The following ATP2C2 variants were observed in gnomAD, a reference collection of about 807,000 sequenced individuals.
ATP2C2 encodes calcium-transporting ATPase type 2C member 2.
In ATP2C2, 171 loss-of-function variants were observed where a neutral mutation model predicts 110.8. The ratio of observed to expected loss-of-function variants is 1.54; its 90% confidence interval spans 1.36 to 1.75. ATP2C2 has a LOEUF of 1.75. Among genes scored for constraint, ATP2C2 ranks in the 40% most tolerant of loss-of-function variants. ATP2C2 has a pLI of 0.00. For synonymous variants in ATP2C2, 804 were observed against 508.4 expected (o/e 1.58, Z -7.82); for missense variants, 1,963 against 1,235.0 (o/e 1.59, Z -8.84).
chr16:84,425,102 C>T (rs556857985), intron 10 of ATP2C2, among the ~76,000 whole-genome samples: 4 of 152,256 alleles, frequency 2.6e-5, no homozygotes, highest in African/African-American at 7.2e-5. Flanking sequence ...ACACACACCC[C>T]GCTACCATCC....
At chr16:84,445,503 C>T (rs555443426) in intron 15 of ATP2C2, among the ~76,000 whole-genome samples, 11 of 152,268 alleles carry the variant, frequency 7.2e-5, no homozygotes, top group South Asian at 2.1e-4. Flanking sequence ...CCACCATGCC[C>T]GGCCTTCCTC....
At chr16:84,390,052 T>G (rs555514082) in intron 1 of ATP2C2, among the ~76,000 whole-genome samples, 8 of 152,288 alleles carry the variant, frequency 5.3e-5, no homozygotes, top group African/African-American at 1.7e-4. Context: ...GGCAGCCCTG[T>G]GGACCCCGGC....
chr16:84,403,981 A>G (rs1428658977), intron 2 of ATP2C2, among the ~76,000 whole-genome samples: 1 of 152,186 alleles, frequency 6.6e-6, no homozygotes, highest in South Asian at 2.1e-4. Context: ...CTGAGCCACC[A>G]AGCCCTACCA....
chr16:84,454,875 G>A lies in ATP2C2; in HGVS notation c.2038G>A (p.Val680Met). 1.2e-6 allele frequency: 2 copies of A among 1,613,858 alleles called. No individual in the cohort carries two copies. The highest frequency in any genetic ancestry group is 1.1e-5 in the South Asian group (1 of 91,046). ...AMTGDGVNDA[V>M]ALKSADIGIA... ...GACTGGGGATGGGGTGAACGACGCA[G>A]TGGCCCTGAAGTCTGCAGACATTGG... Residue 680 changes from valine (V) to methionine (M), a missense_variant, in exon 21 of 27, where the codon GTG becomes ATG. By Grantham distance (21) the Val-to-Met change is conservative (BLOSUM62 1). Transcript: ENST00000262429.
intron 2 of ATP2C2, among the ~76,000 whole-genome samples, chr16:84,401,768 C>T (rs1905338242): frequency 6.6e-6 from 1 of 152,108 alleles, no homozygotes; most frequent in African/African-American, 2.4e-5. Flanking sequence ...TAATATGATT[C>T]CTCCAGTGTT....
intron 1 of ATP2C2, among the ~76,000 whole-genome samples, chr16:84,375,307 C>G (rs747355187): frequency 3.1e-4 from 47 of 152,180 alleles, no homozygotes; most frequent in Non-Finnish European, 4.0e-4. Context: ...TTTGGGAGTC[C>G]CAGGTGCGTG....
intron 2 of ATP2C2, among the ~76,000 whole-genome samples, chr16:84,400,605 G>C (rs1003057838): frequency 2.0e-5 from 3 of 152,178 alleles, no homozygotes; most frequent in Non-Finnish European, 4.4e-5. Context: ...GGGATTACAG[G>C]CATGAGCCAC....
intron 24 of ATP2C2, 76 bp downstream of exon 24, chr16:84,460,877 C>A (rs779796521): frequency 2.5e-5 from 37 of 1,501,086 alleles, no homozygotes; most frequent in Middle Eastern, 1.9e-4. Flanking sequence ...TCCCTGCCCT[C>A]CTGCCACAGC....
chr16:84,462,166 C>A, intron 26 of ATP2C2, 37 bp downstream of exon 26: 1 of 1,592,808 alleles, frequency 6.3e-7, no homozygotes, highest in Non-Finnish European at 8.6e-7. Context: ...GTGACCTCGA[C>A]CAGGGCCATG....
At chr16:84,386,688 G>A (rs1904334997) in intron 1 of ATP2C2, among the ~76,000 whole-genome samples, 1 of 152,140 alleles carries the variant, frequency 6.6e-6, no homozygotes. Flanking sequence ...CATCTCTGAA[G>A]CCCCTCTTGA....
At chr16:84,419,092 C>T (rs1907090050) in intron 7 of ATP2C2, among the ~76,000 whole-genome samples, 1 of 151,502 alleles carries the variant, frequency 6.6e-6, no homozygotes, top group African/African-American at 2.4e-5. Context: ...ACCTGTAGTC[C>T]CAGCTACTCA....
intron 11 of ATP2C2, chr16:84,426,013 C>T (rs1907783927): frequency 6.8e-6 from 4 of 586,060 alleles, no homozygotes; most frequent in Non-Finnish European, 1.2e-5. Context: ...GCAAATGATC[C>T]AGGGTGTCCC....
chr16:84,423,891 T>C (rs1022460840), intron 10 of ATP2C2, among the ~76,000 whole-genome samples: 1 of 152,188 alleles, frequency 6.6e-6, no homozygotes, highest in South Asian at 2.1e-4. Flanking sequence ...ACAAACAGCA[T>C]TGACATGATG....
Position 84,442,473 on chromosome 16 carries a change from A to C in ATP2C2, c.1312-37A>C, listed in dbSNP as rs369304432. 5 of 1,602,694 alleles carry C rather than the reference A, an allele frequency of 3.1e-6. No homozygotes were observed. In the African/African-American group the frequency reaches 6.7e-5, roughly 21 times the overall value. ...CAATGTCTAACTTTTTCATGAGCCC[A>C]GTACTAACTACAGATGTCCGGACAA... On this transcript the variant is annotated intron_variant, in intron 14 of 26. Transcript: ENST00000262429.
intron 10 of ATP2C2, 59 bp downstream of exon 10, chr16:84,423,322 G>C (rs1319945814): frequency 4.6e-6 from 7 of 1,521,366 alleles, no homozygotes; most frequent in East Asian, 4.5e-5. Context: ...GCCATCATAG[G>C]GGGGTTGCCA....
chr16:84,405,367 C>G, intron 3 of ATP2C2, 123 bp downstream of exon 3: 1 of 788,386 alleles, frequency 1.3e-6, no homozygotes, highest in South Asian at 1.7e-5. Flanking sequence ...TTCACGCTGC[C>G]CCAGCCAGCC....
chr16:84,442,365 C>CT, intron 14 of ATP2C2, 145 bp from the exon 15 acceptor site: 2 of 740,178 alleles, frequency 2.7e-6, no homozygotes, highest in Non-Finnish European at 2.4e-6. Flanking sequence ...CACGATGTTT[C>CT]TTTTAAAAAG....
chr16:84,406,412 C>T (rs1258225132), intron 3 of ATP2C2, among the ~76,000 whole-genome samples: 2 of 152,192 alleles, frequency 1.3e-5, no homozygotes, highest in African/African-American at 2.4e-5. Context: ...TTGGCCCCAT[C>T]CCTGACATCC....
chr16:84,455,017 A>G (rs1384413625), intron 21 of ATP2C2, 33 bp downstream of exon 21: 1 of 1,605,956 alleles, frequency 6.2e-7, no homozygotes, highest in Admixed American at 1.7e-5. Context: ...TTTCAGTTGC[A>G]AAAATGCCTG....
Sources: allele counts gnomAD v4.1 joint callset (sites outside exome capture counted in the v4.1 genomes callset), GRCh38; gene constraint gnomAD v4.1.1; transcripts MANE v1.5; gene names NCBI Gene and HGNC (gene_info 2026-07-23, HGNC 2026-07-21).